PLEKHG7: variants seen among roughly 807,000 people sequenced by gnomAD.
PLEKHG7 encodes pleckstrin homology domain-containing family G member 7.
In PLEKHG7, 77 loss-of-function variants were observed where a neutral mutation model predicts 85.2. The ratio of observed to expected loss-of-function variants is 0.90; its 90% CI spans 0.75 to 1.09. The LOEUF is 1.09. Ranked by LOEUF, PLEKHG7 falls within the 50% of genes least tolerant of loss-of-function variation. PLEKHG7 has a pLI of 0.00. For missense variants in PLEKHG7, 777 were observed against 804.3 expected (o/e 0.97, Z 0.41); for synonymous variants, 301 against 302.4 (o/e 1.00, Z 0.05).
At chr12:92,740,195 G>A (rs962436460) in intron 7 of PLEKHG7, among the ~76,000 whole-genome samples, 5 of 152,082 alleles carry the variant, frequency 3.3e-5, no homozygotes, top group Non-Finnish European at 7.4e-5. Context: ...TGTATACAAA[G>A]TATTTCTTTT....
intron 14 of PLEKHG7, among the ~76,000 whole-genome samples, 171 bp downstream of exon 14, chr12:92,762,002 G>GTAAA (rs61049024): frequency 0.019 from 2,843 of 151,818 alleles, 77 homozygotes; most frequent in African/African-American, 0.061. Flanking sequence ...AAGCTCTGAA[G>GTAAA]TAAATAAATA....
chr12:92,763,907 G>A (rs1212569095), intron 14 of PLEKHG7, 134 bp from the exon 15 acceptor site: 7 of 600,254 alleles, frequency 1.2e-5, no homozygotes, highest in Non-Finnish European at 1.8e-5. Flanking sequence ...GATCCAGAAA[G>A]AGTAGTAAGA....
At chr12:92,730,631 G>A (rs1336919727) in intron 4 of PLEKHG7, among the ~76,000 whole-genome samples, 1 of 152,194 alleles carries the variant, frequency 6.6e-6, no homozygotes, top group Non-Finnish European at 1.5e-5. Context: ...TATTGGTCAG[G>A]GTGGTGTCGA....
chr12:92,707,517 T>C, intron 2 of PLEKHG7, 133 bp from the exon 3 acceptor site: 1 of 1,477,478 alleles, frequency 6.8e-7, no homozygotes, highest in Non-Finnish European at 9.0e-7. Flanking sequence ...GTTATTCAAA[T>C]TTCCAATCCC....
intron 13 of PLEKHG7, among the ~76,000 whole-genome samples, chr12:92,756,645 C>T (rs1242227338): frequency 1.3e-5 from 2 of 152,186 alleles, no homozygotes; most frequent in Admixed American, 6.5e-5. Flanking sequence ...GTTAAAACAA[C>T]ATACAAGAAC....
At chr12:92,753,277 G>A (rs7961593) in intron 10 of PLEKHG7, among the ~76,000 whole-genome samples, 56,880 of 151,792 alleles carry the variant, frequency 0.37, 12,160 homozygotes, top group East Asian at 0.89. Context: ...CCACGTCCAT[G>A]CCTCATTTGC....
At chr12:92,732,178 T>C in intron 4 of PLEKHG7, 55 bp from the exon 5 acceptor site, 1 of 1,081,232 alleles carries the variant, frequency 9.2e-7, no homozygotes, top group East Asian at 3.2e-5. Context: ...TACGATGATC[T>C]GTCGCTAGTT....
intron 3 of PLEKHG7, among the ~76,000 whole-genome samples, chr12:92,725,956 C>A (rs1871786382): frequency 6.6e-6 from 1 of 152,098 alleles, no homozygotes; most frequent in Admixed American, 6.6e-5. Flanking sequence ...ATCAGAATCT[C>A]CACGGTGGGA....
At chr12:92,735,086 T>C (rs1872101319) in intron 5 of PLEKHG7, among the ~76,000 whole-genome samples, 1 of 152,212 alleles carries the variant, frequency 6.6e-6, no homozygotes. Flanking sequence ...AAAGCCATGG[T>C]GAGTGCCCTT....
At chr12:92,748,566 C>T (rs150237649) in intron 10 of PLEKHG7, among the ~76,000 whole-genome samples, 5 of 152,190 alleles carry the variant, frequency 3.3e-5, no homozygotes, top group East Asian at 1.9e-4. Flanking sequence ...GCTTTTATAA[C>T]GCATAATACT....
At chr12:92,752,434 C>T (rs538377824) in intron 10 of PLEKHG7, among the ~76,000 whole-genome samples, 1 of 152,298 alleles carries the variant, frequency 6.6e-6, no homozygotes, top group South Asian at 2.1e-4. Flanking sequence ...GTTAGAATCT[C>T]AGTCCCATGA....
intron 3 of PLEKHG7, among the ~76,000 whole-genome samples, chr12:92,722,144 C>A (rs1398769036): frequency 1.3e-5 from 2 of 152,034 alleles, no homozygotes; most frequent in African/African-American, 4.8e-5. Context: ...ACCGTGAGAC[C>A]TAAATTCAGT....
In PLEKHG7 at chr12:92,765,356, G is replaced by A. The variant is rs544870809; in HGVS notation, c.1870+1162G>A. Among the ~76,000 whole-genome samples the A allele has an allele frequency of 3.2e-4, 48 of 150,626 alleles. No individual in the cohort carries two copies. The South Asian group carries it at 9.1e-3, about 28-fold the overall frequency. On this transcript the variant is annotated intron_variant, in intron 15 of 16. Coordinates refer to ENST00000344636, the MANE Select transcript of PLEKHG7 (RefSeq NM_001377329.1). ...AAAAAAAAAAAAAAATAGGCTGGGCGTGGTGGCTCACGCCTGTAATCCCAG... is the reference window on the plus strand; with the variant it reads ...AAAAAAAAAAAAAAATAGGCTGGGCATGGTGGCTCACGCCTGTAATCCCAG...
At chr12:92,726,277 C>T (rs1298919225) in intron 3 of PLEKHG7, among the ~76,000 whole-genome samples, 2 of 152,104 alleles carry the variant, frequency 1.3e-5, no homozygotes, top group Non-Finnish European at 2.9e-5. Flanking sequence ...TAACAGGGAT[C>T]CAAGCACAGC....
rs147701202 is a variant in PLEKHG7 at position 92,742,975 on chromosome 12, A to G, written c.1137+1383A>G. Among the ~76,000 whole-genome samples, 870 of 152,306 alleles carry G rather than the reference A, an allele frequency of 5.7e-3. 8 individuals are homozygous for G. Among genetic ancestry groups the G allele is most frequent in the African/African-American group, 0.019 (803 of 41,572 alleles). ...ATTAGGCTCTTTACTAAGGGTCTAT[A>G]ATAAACCCACATATGAATGCCCCAC... On this transcript the variant is annotated intron_variant, in intron 9 of 16. Coordinates refer to ENST00000344636, the MANE Select transcript of PLEKHG7 (RefSeq NM_001377329.1).
intron 4 of PLEKHG7, among the ~76,000 whole-genome samples, chr12:92,729,560 G>A (rs1325230523): frequency 1.3e-5 from 2 of 151,840 alleles, no homozygotes; most frequent in Admixed American, 1.3e-4. Flanking sequence ...AGAGGTGCCG[G>A]TGGCAGATGA....
chr12:92,707,902 G>GTTTTCA, intron 3 of PLEKHG7: 3 of 614,698 alleles, frequency 4.9e-6, no homozygotes, highest in Non-Finnish European at 8.2e-6. Flanking sequence ...TGCAGTCATA[G>GTTTTCA]TTTTCATTTT....
intron 3 of PLEKHG7, among the ~76,000 whole-genome samples, chr12:92,713,854 G>A (rs1214137662): frequency 6.6e-6 from 1 of 151,980 alleles, no homozygotes; most frequent in African/African-American, 2.4e-5. Context: ...ATAAACTCTT[G>A]GACCCTTTTT....
intron 3 of PLEKHG7, among the ~76,000 whole-genome samples, chr12:92,723,013 G>A (rs1018719263): frequency 3.9e-5 from 6 of 152,192 alleles, no homozygotes; most frequent in African/African-American, 1.2e-4. Context: ...ATTTATGGAG[G>A]AGGAGTGTCT....
Sources: gnomAD v4.1 joint callset for allele counts (sites outside exome capture counted in the v4.1 genomes callset) on GRCh38, gnomAD v4.1.1 for gene constraint, MANE v1.5 for transcripts, NCBI Gene and HGNC (gene_info 2026-07-23, HGNC 2026-07-21) for gene names.